OR2J2: variants seen among roughly 807,000 people sequenced by gnomAD.
OR2J2 encodes the protein olfactory receptor 2J2.
In OR2J2, 13 loss-of-function variants were observed where a neutral mutation model predicts 16.9. The observed-to-expected ratio is 0.77, with a 90% confidence interval of 0.50 to 1.23. The LOEUF (loss-of-function observed/expected upper bound fraction) is 1.23, where lower values mean the gene tolerates loss of function less well. OR2J2 is among the 50% of genes most tolerant of loss of function. The pLI is 0.00. For missense variants in OR2J2, 341 were observed against 379.1 expected (o/e 0.90, Z 0.84); for synonymous variants, 125 against 141.2 (o/e 0.89, Z 0.81).
intron 1 of OR2J2, among the ~76,000 whole-genome samples, chr6:29,172,904 C>A (rs1458323908): frequency 6.6e-6 from 1 of 152,158 alleles, no homozygotes; most frequent in African/African-American, 2.4e-5. Context: ...CCATTTCTCT[C>A]TTACCAACCT....
At chr6:29,172,593 A>G (rs907649753) in intron 1 of OR2J2, among the ~76,000 whole-genome samples, 1 of 152,130 alleles carries the variant, frequency 6.6e-6, no homozygotes, top group African/African-American at 2.4e-5. Flanking sequence ...TCTTCATTTT[A>G]AAAAAATAAC....
rs1232900368 is a variant in OR2J2 at position 29,174,264 on chromosome 6, T to C, written c.629T>C (p.Ile210Thr). 14 of 1,613,764 alleles carry C rather than the reference T, an allele frequency of 8.7e-6. No homozygotes were observed. The highest frequency in any genetic ancestry group is 1.1e-5 in the Non-Finnish European group (13 of 1,179,956). ...LMVMSSIFVL[I>T]PLILILTTYG... ...GTCATGAGCTCCATTTTTGTTCTCA[T>C]ACCTCTCATTCTCATTCTCACTACC... Residue 210 changes from isoleucine (I) to threonine (T), a missense_variant, in exon 2 of 2, where the codon ATA becomes ACA. By Grantham distance (89) the Ile-to-Thr change is moderately conservative. Transcript: ENST00000641417.
In OR2J2 at chr6:29,174,259, T is replaced by C; in HGVS notation, c.624T>C (p.Val208=). 6.2e-7 allele frequency: 1 copy of C among 1,613,804 alleles called. No homozygotes were observed. The highest frequency in any genetic ancestry group is 1.1e-5 in the South Asian group (1 of 91,064). The change falls in exon 2 of 2, where the codon GTT becomes GTC. Residue 208 remains valine (V), a synonymous_variant. Coordinates refer to ENST00000641417, the MANE Select transcript of OR2J2 (RefSeq NM_030905.3). ...LTLMVMSSIF[V]LIPLILILTT... ...TCATGGTCATGAGCTCCATTTTTGT[T>C]CTCATACCTCTCATTCTCATTCTCA...
chr6:29,173,824 C>T lies in OR2J2; in HGVS notation c.189C>T (p.Phe63=). 1.2e-6 allele frequency: 2 copies of T among 1,613,288 alleles called. No individual in the cohort carries two copies. Among genetic ancestry groups the T allele is most frequent in the South Asian group, 1.1e-5 (1 of 90,996 alleles). The change falls in exon 2 of 2, where the codon TTC becomes TTT. Residue 63 remains phenylalanine, a synonymous_variant. Coordinates refer to ENST00000641417, the MANE Select transcript of OR2J2 (RefSeq NM_030905.3). The part of the protein sequence containing the change: ...DSHLHTPMYF[F]LSNLSFLDLC... ...ATCTCCACACACCAATGTACTTCTTCCTTTCAAACCTCTCATTTCTGGATC... is the reference window on the plus strand; with the variant it reads ...ATCTCCACACACCAATGTACTTCTTTCTTTCAAACCTCTCATTTCTGGATC...
chr6:29,172,458 T>C (rs528948367), intron 1 of OR2J2, among the ~76,000 whole-genome samples: 2 of 152,128 alleles, frequency 1.3e-5, no homozygotes, highest in East Asian at 3.9e-4. Flanking sequence ...ATTGAAATGC[T>C]GGGTTCCTGT....
chr6:29,170,941 G>A lies in OR2J2; in HGVS notation c.-182G>A, dbSNP rs1765450874. 1 of 152,096 alleles carries A rather than the reference G, an allele frequency of 6.6e-6. No individual in the cohort carries two copies. Among genetic ancestry groups the A allele is most frequent in the African/African-American group, 2.4e-5 (1 of 41,426 alleles). The allele number at this position is 152,096 out of a possible 1,614,324, so 9.4% of individuals were successfully genotyped here. On this transcript the variant is annotated 5_prime_UTR_variant, in exon 1 of 2. Transcript: ENST00000641417. ...ACAATCACAGTTATTTCCAGACTCTGTTCTTCATAGTTAGATTTAAAACAT... is the reference window on the plus strand; with the variant it reads ...ACAATCACAGTTATTTCCAGACTCTATTCTTCATAGTTAGATTTAAAACAT...
chr6:29,174,334 T>G lies in OR2J2; in HGVS notation c.699T>G (p.Thr233=). 1 of 1,613,942 alleles carries G rather than the reference T, an allele frequency of 6.2e-7. No individual in the cohort carries two copies. ...CTGTACTGAGCATGCAATCAACCAC[T>G]GGGCTTCAGAAAGTGTTTAGGACAT... ...ARAVLSMQST[T]GLQKVFRTCG... The change falls in exon 2 of 2, where the codon ACT becomes ACG. Residue 233 remains threonine (T), a synonymous_variant. Transcript: ENST00000641417.
intron 1 of OR2J2, 34 bp from the exon 2 acceptor site, chr6:29,173,585 G>T: frequency 7.0e-7 from 1 of 1,418,584 alleles, no homozygotes; most frequent in South Asian, 1.3e-5. Context: ...ACAATGCATG[G>T]ACAGACTTTG....
chr6:29,174,721 T>C lies in OR2J2; in HGVS notation c.*147T>C. On this transcript the variant is annotated 3_prime_UTR_variant, in exon 2 of 2. Coordinates refer to ENST00000641417, the MANE Select transcript of OR2J2 (RefSeq NM_030905.3). ...AGTCTCACATTTGTTGCTCTTTTTA[T>C]TATTTAGTTCTGAAATATTATGTTG... The C allele has an allele frequency of 1.7e-6, 1 of 579,238 alleles. No individual in the cohort carries two copies. The highest frequency in any genetic ancestry group is 2.9e-6 in the Non-Finnish European group (1 of 347,184). The allele number at this position is 579,238 out of a possible 1,614,324, so 35.9% of individuals were successfully genotyped here.
Position 29,174,589 on chromosome 6 carries a change from T to A in OR2J2, c.*15T>A. On this transcript the variant is annotated 3_prime_UTR_variant, in exon 2 of 2. Transcript: ENST00000641417. ...GGGGGAAGTGACAGGGAAATCATGT[T>A]GTCTGTTGTCATTGTTTTTCCTAGG... 1.3e-6 allele frequency: 2 copies of A among 1,564,392 alleles called. No individual in the cohort carries two copies. Among genetic ancestry groups the A allele is most frequent in the Non-Finnish European group, 1.7e-6 (2 of 1,155,724 alleles).
Position 29,174,277 on chromosome 6 carries a change from C to G in OR2J2, c.642C>G (p.Leu214=), listed in dbSNP as rs3129159. 844,570 of 1,611,872 alleles carry G rather than the reference C, an allele frequency of 0.52. 228,972 individuals carry two copies. Among genetic ancestry groups the G allele is most frequent in the Non-Finnish European group, 0.55 (649,724 of 1,178,516 alleles). ...SSIFVLIPLI[L]ILTTYGAIAR... ...TTTTTGTTCTCATACCTCTCATTCTCATTCTCACTACCTATGGTGCCATTG... is the reference window on the plus strand; with the variant it reads ...TTTTTGTTCTCATACCTCTCATTCTGATTCTCACTACCTATGGTGCCATTG... The change falls in exon 2 of 2, where the codon CTC becomes CTG. Residue 214 remains leucine, a synonymous_variant. Coordinates refer to ENST00000641417, the MANE Select transcript of OR2J2 (RefSeq NM_030905.3).
chr6:29,172,915 A>C (rs1765579258), intron 1 of OR2J2, among the ~76,000 whole-genome samples: 1 of 152,044 alleles, frequency 6.6e-6, no homozygotes, highest in Non-Finnish European at 1.5e-5. Flanking sequence ...TTACCAACCT[A>C]TGTTTTTGTT....
chr6:29,173,581 C>A (rs1300882496), intron 1 of OR2J2, 38 bp from the exon 2 acceptor site: 3 of 1,361,102 alleles, frequency 2.2e-6, no homozygotes, highest in East Asian at 2.3e-5. Context: ...GTTGACAATG[C>A]ATGGACAGAC....
chr6:29,175,527 C>G lies in OR2J2; in HGVS notation c.*953C>G, dbSNP rs943771638. ...GAGCACGGTGGCTCACACCTGTAATCCCAGCACTTTGGAAGGCCGAGTCAG... is the reference window on the plus strand; with the variant it reads ...GAGCACGGTGGCTCACACCTGTAATGCCAGCACTTTGGAAGGCCGAGTCAG... On this transcript the variant is annotated 3_prime_UTR_variant, in exon 2 of 2. Coordinates refer to ENST00000641417, the MANE Select transcript of OR2J2 (RefSeq NM_030905.3). 3 of 152,074 alleles carry G rather than the reference C, an allele frequency of 2.0e-5. No individual in the cohort carries two copies. The highest frequency in any genetic ancestry group is 7.2e-5 in the African/African-American group (3 of 41,422). The allele number at this position is 152,074 out of a possible 1,614,324, so 9.4% of individuals were successfully genotyped here.
At position 29,174,633 on chromosome 6, in the gene OR2J2, G is replaced by C; in HGVS notation, c.*59G>C. The C allele has an allele frequency of 1.5e-6, 2 of 1,371,050 alleles. No individual in the cohort carries two copies. The highest frequency in any genetic ancestry group is 2.0e-6 in the Non-Finnish European group (2 of 1,013,480). The allele number at this position is 1,371,050 out of a possible 1,614,324, so 84.9% of individuals were successfully genotyped here. A position where few individuals can be genotyped will look rare whatever the true frequency, so the allele number is the denominator to read the frequency against. On this transcript the variant is annotated 3_prime_UTR_variant, in exon 2 of 2. Transcript: ENST00000641417. ...TCCTAGGGTCTTAGCCATCTTGAAA[G>C]GTGGTTTCCCTGCTTCTTTGTGATT...
intron 1 of OR2J2, chr6:29,173,329 A>C (rs946320454): frequency 5.0e-5 from 14 of 277,660 alleles, no homozygotes; most frequent in Non-Finnish European, 7.3e-5. Context: ...AAAGTAAAAA[A>C]TCATTTTTCA....
rs1181139101 is a variant in OR2J2 at position 29,174,527 on chromosome 6, G to A, written c.892G>A (p.Val298Ile). The change falls in exon 2 of 2, where the codon GTA (valine) becomes ATA (isoleucine). Residue 298 changes from valine (V) to isoleucine (I), a missense_variant. Physicochemically the swap from Val to Ile is conservative, Grantham distance 29 (BLOSUM62 3). Transcript: ENST00000641417. ...PLIYTLRNKH[V>I]KGAAKRLLGW... ...AATCTACACTCTCAGAAACAAGCAT[G>A]TAAAAGGGGCAGCGAAGAGACTATT... 2 of 1,613,492 alleles carry A rather than the reference G, an allele frequency of 1.2e-6. No individual in the cohort carries two copies. The highest frequency in any genetic ancestry group is 3.3e-5 in the Admixed American group (2 of 59,928).
intron 1 of OR2J2, among the ~76,000 whole-genome samples, chr6:29,171,488 T>C (rs1410559276): frequency 2.0e-5 from 3 of 152,080 alleles, no homozygotes; most frequent in Non-Finnish European, 4.4e-5. Context: ...ATTCTACAAC[T>C]CATAAAAGCT....
intron 1 of OR2J2, among the ~76,000 whole-genome samples, chr6:29,171,841 G>A (rs1196242225): frequency 6.6e-6 from 1 of 151,994 alleles, no homozygotes; most frequent in East Asian, 1.9e-4. Context: ...TTCTCAAAAG[G>A]TTAATGCTCA....
Sources: allele counts gnomAD v4.1 joint callset (sites outside exome capture counted in the v4.1 genomes callset), GRCh38; gene constraint gnomAD v4.1.1; transcripts MANE v1.5; gene names NCBI Gene and HGNC (gene_info 2026-07-23, HGNC 2026-07-21).